Variants in NUTM1 observed in about 807,000 individuals in gnomAD.
NUTM1 encodes NUT midline carcinoma family member 1.
Under a neutral mutation model 88.7 loss-of-function variants are expected in NUTM1, and 39 were observed. The ratio of observed to expected loss-of-function variants is 0.44; its 90% CI spans 0.34 to 0.57. NUTM1 has a LOEUF of 0.57. NUTM1 is among the 20% of genes least tolerant of loss of function. The probability of loss-of-function intolerance (pLI) is 0.01; values close to 1 mark genes in which losing one functional copy is unlikely to be tolerated. For synonymous variants in NUTM1, 494 were observed against 538.0 expected, an observed-to-expected ratio of 0.92 and a Z score of 1.13; for missense variants, 1,350 against 1,414.5, an observed-to-expected ratio of 0.95 and a Z score of 0.73.
chr15:34,343,536 G>A lies in NUTM1; in HGVS notation c.-161G>A. On this transcript the variant is annotated 5_prime_UTR_variant, in exon 1 of 8. Transcript: ENST00000537011. ...CCCCTCTTTTACATCCAGTTCCCCT[G>A]CTCCATTTCAAAGCGTTGGCGGTAA... 1 of 1,504,700 alleles carries A rather than the reference G, an allele frequency of 6.6e-7. No individual in the cohort carries two copies. 93.2% of individuals were successfully genotyped at this position (1,504,700 alleles called of 1,614,324 possible).
rs756549165 is a variant in NUTM1, at chr15:34,356,429, G to A, written c.2421G>A (p.Gly807=). The A allele has an allele frequency of 1.1e-5, 17 of 1,610,954 alleles. No individual in the cohort carries two copies. The South Asian group carries it at 1.3e-4, about 13-fold the overall frequency. The change falls in exon 8 of 8, where the codon GGG becomes GGA. Residue 807 remains glycine (G), a synonymous_variant. Coordinates refer to ENST00000537011, the MANE Select transcript of NUTM1 (RefSeq NM_001284292.2). ...SLGPGETLVP[G]DTESSVIPCG... is the part of the protein sequence containing the mutation. ...GTCCTGGAGAAACCCTAGTACCTGG[G>A]GATACGGAGAGCAGTGTGATTCCCT...
Position 34,343,513 on chromosome 15 carries a change from C to T in NUTM1, c.-184C>T. Reference sequence around the variant, plus strand: ...AGAAAGAAGAGGTTTTCTTCCCTCCCCTCTTTTACATCCAGTTCCCCTGCT... The same window carrying T: ...AGAAAGAAGAGGTTTTCTTCCCTCCTCTCTTTTACATCCAGTTCCCCTGCT... On this transcript the variant is annotated 5_prime_UTR_variant, in exon 1 of 8. Transcript: ENST00000537011. The T allele has an allele frequency of 2.2e-6, 3 of 1,382,160 alleles. No homozygotes were observed. The highest frequency in any genetic ancestry group is 2.9e-6 in the Non-Finnish European group (3 of 1,022,880). 85.6% of individuals were successfully genotyped at this position (1,382,160 alleles called of 1,614,324 possible). A position where few individuals can be genotyped will look rare whatever the true frequency, so the allele number is the denominator to read the frequency against.
At chr15:34,344,502 C>CAAAAAA (rs780145688) in intron 1 of NUTM1, among the ~76,000 whole-genome samples, 3 of 85,722 alleles carry the variant, frequency 3.5e-5, no homozygotes, top group African/African-American at 9.0e-5. Flanking sequence ...GATCCTGTCT[C>CAAAAAA]AAAAAAAAAA....
chr15:34,346,384 G>A (rs1371822683), intron 2 of NUTM1, among the ~76,000 whole-genome samples: 3 of 151,598 alleles, frequency 2.0e-5, no homozygotes, highest in Non-Finnish European at 2.9e-5. Context: ...TTTCAAGGGG[G>A]AAGGCCCAAG....
chr15:34,352,492 T>A (rs992913641), intron 4 of NUTM1, among the ~76,000 whole-genome samples: 1 of 151,502 alleles, frequency 6.6e-6, no homozygotes, highest in South Asian at 2.1e-4. Context: ...TGAAGCTGGG[T>A]GAGATAGGTA....
rs774474314 is a variant in NUTM1 at position 34,355,947 on chromosome 15, G to A, written c.1939G>A (p.Ala647Thr). Reference sequence around the variant, plus strand: ...CCTGGTGGCTGATAGGACTTCAGAGGCTCTGCCCCTTTGTTGGCAGGGAGG... The same window carrying A: ...CCTGGTGGCTGATAGGACTTCAGAGACTCTGCCCCTTTGTTGGCAGGGAGG... ...HCLVADRTSE[A>T]LPLCWQGGFQ... is the part of the protein sequence containing the mutation. Residue 647 changes from alanine to threonine, a missense_variant, in exon 8 of 8, where the codon GCT (alanine) becomes ACT (threonine). Ala to Thr is a moderately conservative substitution (Grantham distance 58). Transcript: ENST00000537011. This position sits in a 1 kb window ranked among gnomAD's most constrained non-coding sequence, Gnocchi z 4.3. 6.2e-7 allele frequency: 1 copy of A among 1,614,148 alleles called. No homozygotes were observed. Among genetic ancestry groups the A allele is most frequent in the Non-Finnish European group, 8.5e-7 (1 of 1,180,000 alleles).
At chr15:34,354,765 G>A in intron 6 of NUTM1, 33 bp downstream of exon 6, 1 of 1,608,702 alleles carries the variant, frequency 6.2e-7, no homozygotes, top group Non-Finnish European at 8.5e-7. Flanking sequence ...GTTTCTAGCA[G>A]ATCCTTGGGG....
chr15:34,356,804 A>G lies in NUTM1; in HGVS notation c.2796A>G (p.Leu932=). 6.2e-7 allele frequency: 1 copy of G among 1,611,810 alleles called. No individual in the cohort carries two copies. The highest frequency in any genetic ancestry group is 1.3e-5 in the African/African-American group (1 of 74,122). The change falls in exon 8 of 8, where the codon CTA becomes CTG. Residue 932 remains leucine (L), a synonymous_variant. Coordinates refer to ENST00000537011, the MANE Select transcript of NUTM1 (RefSeq NM_001284292.2). ...LLETIEPVNI[L]DVKDDCGLQL... ...AAACCATAGAACCTGTCAACATACT[A>G]GATGTTAAAGATGACTGTGGCCTCC...
intron 3 of NUTM1, among the ~76,000 whole-genome samples, chr15:34,350,134 G>A (rs1890679751): frequency 6.6e-6 from 1 of 152,156 alleles, no homozygotes; most frequent in Admixed American, 6.5e-5. Flanking sequence ...GCTTTAGGCT[G>A]GGCTCTTGAT....
Position 34,350,735 on chromosome 15 carries a change from C to T in NUTM1, c.841C>T (p.Pro281Ser), listed in dbSNP as rs780620718. The change falls in exon 4 of 8, where the codon CCC (proline) becomes TCC (serine). Residue 281 changes from proline to serine, a missense_variant. Pro to Ser is a moderately conservative substitution (Grantham distance 74). Transcript: ENST00000537011. ...PVLRSLARLK[P>S]TMTLEEGLPL... ...GCTTCGTTCCCTGGCCCGGCTGAAGCCCACTATGACCCTGGAGGAGGGACT... is the reference window on the plus strand; with the variant it reads ...GCTTCGTTCCCTGGCCCGGCTGAAGTCCACTATGACCCTGGAGGAGGGACT... 2 of 1,613,030 alleles carry T rather than the reference C, an allele frequency of 1.2e-6. No individual in the cohort carries two copies. The highest frequency in any genetic ancestry group is 2.2e-5 in the East Asian group (1 of 44,860).
chr15:34,351,000 C>T (rs1890696247), intron 4 of NUTM1, among the ~76,000 whole-genome samples, 168 bp downstream of exon 4: 1 of 151,852 alleles, frequency 6.6e-6, no homozygotes, highest in South Asian at 2.1e-4. Context: ...CGGTGGATCA[C>T]CTGAGGTCAG....
chr15:34,346,427 T>C (rs1312576964), intron 2 of NUTM1, among the ~76,000 whole-genome samples: 1 of 151,114 alleles, frequency 6.6e-6, no homozygotes, highest in African/African-American at 2.4e-5. Context: ...CTGGAGCCTG[T>C]TCTAGGATTT....
In NUTM1 at chr15:34,354,609, T is replaced by C. The variant is rs1186012639; in HGVS notation, c.1239T>C (p.Thr413=). Residue 413 remains threonine, a synonymous_variant, in exon 6 of 8, where the codon ACT becomes ACC. Coordinates refer to ENST00000537011, the MANE Select transcript of NUTM1 (RefSeq NM_001284292.2). ...MEWLVGTHLA[T]GESDGKQEEE... ...GGCTGGTGGGGACTCACTTGGCCAC[T>C]GGGGAGTCAGATGGAAAACAAGAGG... is the stretch of plus-strand genomic sequence containing the variant. 1 of 1,614,046 alleles carries C rather than the reference T, an allele frequency of 6.2e-7. No individual in the cohort carries two copies. The highest frequency in any genetic ancestry group is 1.7e-5 in the Admixed American group (1 of 60,016).
intron 3 of NUTM1, 66 bp downstream of exon 3, chr15:34,348,743 A>C: frequency 8.3e-7 from 1 of 1,208,030 alleles, no homozygotes; most frequent in Non-Finnish European, 1.2e-6. Context: ...TGGGGTGAAC[A>C]TAGTAGTTTA....
intron 4 of NUTM1, among the ~76,000 whole-genome samples, chr15:34,353,336 C>T (rs748309005): frequency 1.3e-5 from 2 of 151,936 alleles, no homozygotes; most frequent in African/African-American, 2.4e-5. Flanking sequence ...TGTGACTAGA[C>T]GCGCGTCATC....
At position 34,350,848 on chromosome 15, in the gene NUTM1, C is replaced by T. The variant is rs1890691958; in HGVS notation, c.938+16C>T. 6.2e-7 allele frequency: 1 copy of T among 1,613,614 alleles called. No homozygotes were observed. The highest frequency in any genetic ancestry group is 1.7e-5 in the Admixed American group (1 of 59,970). The stretch of plus-strand genomic sequence containing the variant: ...TGGCAGAAAGGTGAGTTCGATGAAC[C>T]TTCATTCTCCTGAGGGAGGCTGTGT... On this transcript the variant is annotated intron_variant, in intron 4 of 7. Transcript: ENST00000537011.
chr15:34,346,693 C>T (rs1037928859), intron 2 of NUTM1, among the ~76,000 whole-genome samples: 1 of 32,168 alleles, frequency 3.1e-5, no homozygotes, highest in Non-Finnish European at 6.6e-5. Context: ...ACCAGCCTGG[C>T]CAACATGGCG....
chr15:34,355,408 C>T lies in NUTM1; in HGVS notation c.1480-80C>T. ...ACTTGCTTGCCTTCCTTGCCCTGCC[C>T]AAATACCGTCTTGTGCCACCCACTC... On this transcript the variant is annotated intron_variant, in intron 7 of 7. Transcript: ENST00000537011. This position sits in a 1 kb window ranked among gnomAD's most constrained non-coding sequence, Gnocchi z 4.3. The T allele has an allele frequency of 6.8e-7, 1 of 1,465,428 alleles. No individual in the cohort carries two copies. Among genetic ancestry groups the T allele is most frequent in the East Asian group, 2.3e-5 (1 of 44,076 alleles). The allele number at this position is 1,465,428 out of a possible 1,614,324, so 90.8% of individuals were successfully genotyped here.
At position 34,356,180 on chromosome 15, in the gene NUTM1, C is replaced by T. The variant is rs778644892; in HGVS notation, c.2172C>T (p.Pro724=). The T allele has an allele frequency of 1.9e-6, 3 of 1,610,474 alleles. No individual in the cohort carries two copies. In the South Asian group the frequency reaches 3.3e-5, roughly 18 times the overall value. The change falls in exon 8 of 8, where the codon CCC becomes CCT. Residue 724 remains proline, a synonymous_variant. Transcript: ENST00000537011. The stretch of plus-strand genomic sequence containing the variant: ...TGTGGGGAGATGACAGAGGTACCCC[C>T]ATGGCTCAGAGTTATGATCAGAATC... ...GAMWGDDRGT[P]MAQSYDQNPS... is the part of the protein sequence containing the mutation.
Sources: allele counts gnomAD v4.1 joint callset (sites outside exome capture counted in the v4.1 genomes callset), GRCh38; gene constraint gnomAD v4.1.1; non-coding constraint Gnocchi (gnomAD v3.1); transcripts MANE v1.5; gene names NCBI Gene and HGNC (gene_info 2026-07-23, HGNC 2026-07-21).